The following LRFN2 variants were observed in gnomAD, a reference collection of about 807,000 sequenced individuals.
LRFN2 encodes the protein leucine rich repeat and fibronectin type III domain containing 2.
A neutral mutation model predicts 37.3 loss-of-function variants in LRFN2; 18 were observed. That is an observed-to-expected ratio of 0.48 (90% CI 0.33 to 0.72). The LOEUF (loss-of-function observed/expected upper bound fraction) is 0.72. Among genes scored for constraint, LRFN2 ranks in the 30% least tolerant of loss-of-function variants. The pLI is 0.02. For synonymous variants in LRFN2, 556 were observed against 466.6 expected, an observed-to-expected ratio of 1.19 and a Z score of -2.47; for missense variants, 1,006 against 1,060.7, an observed-to-expected ratio of 0.95 and a Z score of 0.72.
At chr6:40,398,487 G>A (rs1301824708) in intron 2 of LRFN2, among the ~76,000 whole-genome samples, 1 of 151,836 alleles carries the variant, frequency 6.6e-6, no homozygotes, top group Non-Finnish European at 1.5e-5. Context: ...GGCTTCCAGA[G>A]TGCAGGGCAA....
chr6:40,469,203 C>A (rs1175775854), intron 1 of LRFN2, among the ~76,000 whole-genome samples: 4 of 152,082 alleles, frequency 2.6e-5, no homozygotes, highest in Non-Finnish European at 5.9e-5. Flanking sequence ...CAAGGAACAC[C>A]CGGAGTCATC....
intron 1 of LRFN2, among the ~76,000 whole-genome samples, chr6:40,451,854 G>A (rs1764118601): frequency 6.6e-6 from 1 of 152,146 alleles, no homozygotes; most frequent in Admixed American, 6.5e-5. Flanking sequence ...CCTTGGGCCT[G>A]GACCATCTGG....
chr6:40,524,102 G>A (rs148327917), intron 1 of LRFN2, among the ~76,000 whole-genome samples: 1 of 152,202 alleles, frequency 6.6e-6, no homozygotes, highest in East Asian at 1.9e-4. Context: ...CAGGGGTACA[G>A]GAAAACTGGG....
chr6:40,458,906 C>T (rs1285202217), intron 1 of LRFN2, among the ~76,000 whole-genome samples: 1 of 152,154 alleles, frequency 6.6e-6, no homozygotes, highest in Non-Finnish European at 1.5e-5. Flanking sequence ...CCAGCTGGCA[C>T]CAACTAGACT....
rs1561913878 is a variant in LRFN2, at chr6:40,577,096, T to TC, written c.-19+9844_-19+9845insG. Among the ~76,000 whole-genome samples, 15 of 137,696 alleles carry TC rather than the reference T, an allele frequency of 1.1e-4. 1 individual carries two copies. The highest frequency in any genetic ancestry group is 1.5e-4 in the Admixed American group (2 of 13,414). 90.3% of individuals were successfully genotyped at this position (137,696 alleles called of 152,430 possible). On this transcript the variant is annotated intron_variant, in intron 1 of 2. Transcript: ENST00000338305. ...AAGGCCCATTTTCTTTTCTTTTCTT[T>TC]TCTTTTCCTTTCTTTTCTTTTTAGA...
At chr6:40,567,541 C>T (rs1432334533) in intron 1 of LRFN2, among the ~76,000 whole-genome samples, 7 of 152,280 alleles carry the variant, frequency 4.6e-5, no homozygotes, top group African/African-American at 1.4e-4. Context: ...TCTCTGTGTC[C>T]CCATCTTCCT....
chr6:40,566,703 G>C (rs1352880649), intron 1 of LRFN2, among the ~76,000 whole-genome samples: 2 of 151,320 alleles, frequency 1.3e-5, no homozygotes, highest in African/African-American at 2.4e-5. Context: ...ATGGACACAG[G>C]AAGGGGAACA....
At chr6:40,509,598 A>G (rs1254957086) in intron 1 of LRFN2, among the ~76,000 whole-genome samples, 3 of 151,820 alleles carry the variant, frequency 2.0e-5, no homozygotes, top group Admixed American at 6.6e-5. Flanking sequence ...ATGCCAGGGA[A>G]TATTGGGCTA....
intron 1 of LRFN2, among the ~76,000 whole-genome samples, chr6:40,483,270 C>T (rs995131963): frequency 1.3e-5 from 2 of 152,228 alleles, no homozygotes; most frequent in African/African-American, 4.8e-5. Flanking sequence ...TCATTTCCAT[C>T]CTCCCTTCTA....
chr6:40,518,763 T>C (rs894500008), intron 1 of LRFN2, among the ~76,000 whole-genome samples: 1 of 152,164 alleles, frequency 6.6e-6, no homozygotes. Flanking sequence ...ACTAGGGGCA[T>C]GAAAATGAAC....
chr6:40,474,840 G>T (rs537646718), intron 1 of LRFN2, among the ~76,000 whole-genome samples: 1 of 152,158 alleles, frequency 6.6e-6, no homozygotes, highest in Admixed American at 6.5e-5. Context: ...CATATTCTAA[G>T]GTTCCAAGTG....
chr6:40,444,263 A>C (rs1179297759), intron 1 of LRFN2, among the ~76,000 whole-genome samples: 1 of 152,210 alleles, frequency 6.6e-6, no homozygotes, highest in Non-Finnish European at 1.5e-5. Flanking sequence ...GAAAACGAAG[A>C]AGGGAAAGAA....
In LRFN2 at chr6:40,392,822, G is replaced by A. The variant is rs1390185056; in HGVS notation, c.1491C>T (p.Asp497=). ...TGGTGGCCGTGAGTGTCGTGGCTGT[G>A]TCATCCCACATGGCCAGCACACACA... The part of the protein sequence containing the change: ...YDLCVLAMWD[D]TATTLTATNI... The change falls in exon 3 of 3, where the codon GAC becomes GAT. Residue 497 remains aspartate (D), a synonymous_variant. Coordinates refer to ENST00000338305, the MANE Select transcript of LRFN2 (RefSeq NM_020737.3). The surrounding 1 kb of genome is among the most constrained non-coding windows in gnomAD (Gnocchi z 4.7). 6.2e-7 allele frequency: 1 copy of A among 1,613,976 alleles called. No homozygotes were observed. Among genetic ancestry groups the A allele is most frequent in the Non-Finnish European group, 8.5e-7 (1 of 1,180,008 alleles).
intron 1 of LRFN2, among the ~76,000 whole-genome samples, chr6:40,506,600 C>A (rs12661083): frequency 6.6e-6 from 1 of 151,988 alleles, no homozygotes; most frequent in African/African-American, 2.4e-5. Flanking sequence ...AGCATGCTGG[C>A]GGGTTCCCCA....
intron 2 of LRFN2, among the ~76,000 whole-genome samples, chr6:40,428,074 T>C (rs887551682): frequency 6.6e-6 from 1 of 152,188 alleles, no homozygotes; most frequent in Non-Finnish European, 1.5e-5. Context: ...GAAATAATAG[T>C]TTTTACCTCC....
chr6:40,476,484 G>A (rs1429130550), intron 1 of LRFN2, among the ~76,000 whole-genome samples: 1 of 152,210 alleles, frequency 6.6e-6, no homozygotes, highest in Non-Finnish European at 1.5e-5. Flanking sequence ...AGCAATGCCT[G>A]GTGCAGAGCT....
chr6:40,456,241 T>G (rs1199003279), intron 1 of LRFN2, among the ~76,000 whole-genome samples: 1 of 152,226 alleles, frequency 6.6e-6, no homozygotes, highest in Non-Finnish European at 1.5e-5. Context: ...CTGTGTTGCT[T>G]TAAGCCAAGT....
At chr6:40,570,610 G>A (rs1191492531) in intron 1 of LRFN2, among the ~76,000 whole-genome samples, 4 of 152,188 alleles carry the variant, frequency 2.6e-5, no homozygotes, top group Non-Finnish European at 4.4e-5. Context: ...GATACAGAGT[G>A]TGGAAAGGAA....
At chr6:40,410,057 C>T (rs904628264) in intron 2 of LRFN2, among the ~76,000 whole-genome samples, 2 of 152,130 alleles carry the variant, frequency 1.3e-5, no homozygotes, top group African/African-American at 4.8e-5. Flanking sequence ...GAGTGACGAC[C>T]TATAGCAGGA....
Sources: gnomAD v4.1 joint callset for allele counts (sites outside exome capture counted in the v4.1 genomes callset) on GRCh38, gnomAD v4.1.1 for gene constraint, Gnocchi (gnomAD v3.1) non-coding constraint, MANE v1.5 for transcripts, NCBI Gene and HGNC (gene_info 2026-07-23, HGNC 2026-07-21) for gene names.